Variants in LRRC28 observed in about 807,000 individuals in gnomAD.
LRRC28 encodes the protein leucine rich repeat containing 28.
Under a neutral mutation model 45.7 loss-of-function variants are expected in LRRC28, and 39 were observed. The observed-to-expected ratio is 0.85, with a 90% CI of 0.66 to 1.12. The LOEUF (loss-of-function observed/expected upper bound fraction) is 1.12. LRRC28 is among the 50% of genes most tolerant of loss of function. The probability of loss-of-function intolerance (pLI) is 0.00; values close to 1 mark genes in which losing one functional copy is unlikely to be tolerated. For missense variants in LRRC28, 435 were observed against 438.5 expected, an observed-to-expected ratio of 0.99 and a Z score of 0.07; for synonymous variants, 206 against 178.8, an observed-to-expected ratio of 1.15 and a Z score of -1.22.
At chr15:99,372,943 G>A (rs1162564295) in intron 9 of LRRC28, among the ~76,000 whole-genome samples, 1 of 152,048 alleles carries the variant, frequency 6.6e-6, no homozygotes, top group Non-Finnish European at 1.5e-5. Context: ...TGAGCAAAGA[G>A]GGAAACGACC....
intron 5 of LRRC28, chr15:99,333,613 C>T (rs1047880172): frequency 2.8e-6 from 1 of 350,986 alleles, no homozygotes; most frequent in Non-Finnish European, 5.2e-6. Context: ...TGGCAACAAA[C>T]TTGACTCATC....
At chr15:99,349,749 C>T (rs1039664409) in intron 6 of LRRC28, among the ~76,000 whole-genome samples, 11 of 152,058 alleles carry the variant, frequency 7.2e-5, no homozygotes, top group Admixed American at 5.9e-4. Context: ...TACCAAAAAC[C>T]GGATCAAAAA....
chr15:99,305,055 T>C (rs1955132959), intron 5 of LRRC28, among the ~76,000 whole-genome samples: 1 of 152,016 alleles, frequency 6.6e-6, no homozygotes, highest in Admixed American at 6.6e-5. Flanking sequence ...ATCTTAGCGG[T>C]AGGAGTTGAG....
At chr15:99,298,976 T>C (rs6598235) in intron 5 of LRRC28, among the ~76,000 whole-genome samples, 17,407 of 152,222 alleles carry the variant, frequency 0.11, 1,121 homozygotes, top group African/African-American at 0.18. Context: ...CCCAAAGTGC[T>C]GGGATTACAG....
At chr15:99,253,471 T>C (rs2080925634) in intron 1 of LRRC28, among the ~76,000 whole-genome samples, 2 of 152,188 alleles carry the variant, frequency 1.3e-5, no homozygotes, top group Admixed American at 6.5e-5. Context: ...GACATTGCTT[T>C]CTAGGCTAAG....
chr15:99,264,007 G>T (rs369083967), intron 2 of LRRC28, among the ~76,000 whole-genome samples: 2 of 152,194 alleles, frequency 1.3e-5, no homozygotes, highest in African/African-American at 4.8e-5. Context: ...TCTGTTGGAA[G>T]TAAGAGCTCA....
chr15:99,319,671 A>T (rs1033037), intron 5 of LRRC28, among the ~76,000 whole-genome samples: 63,316 of 149,610 alleles, frequency 0.42, 14,148 homozygotes, highest in African/African-American at 0.6. Context: ...TTTTTTTTTT[A>T]AATTACTGTC....
At chr15:99,303,085 T>C (rs997481931) in intron 5 of LRRC28, among the ~76,000 whole-genome samples, 3 of 152,242 alleles carry the variant, frequency 2.0e-5, no homozygotes, top group African/African-American at 7.2e-5. Flanking sequence ...CCAAAGTGGC[T>C]GTACCATTTT....
intron 3 of LRRC28, among the ~76,000 whole-genome samples, chr15:99,282,191 T>TTTTTTTTTTTTTTTTTTTTTTG (rs1327794715): frequency 7.2e-6 from 1 of 138,384 alleles, no homozygotes; most frequent in Admixed American, 7.7e-5. Flanking sequence ...TTTTTTTTTT[T>TTTTTTTTTTTTTTTTTTTTTTG]GTAGCAGTAG....
intron 3 of LRRC28, among the ~76,000 whole-genome samples, chr15:99,283,648 T>A (rs889938140): frequency 2.8e-5 from 4 of 145,134 alleles, no homozygotes; most frequent in East Asian, 2.0e-4. Flanking sequence ...AATTCCATGG[T>A]ACATTTGTCA....
At chr15:99,354,696 G>A (rs567565734) in intron 7 of LRRC28, among the ~76,000 whole-genome samples, 1 of 152,322 alleles carries the variant, frequency 6.6e-6, no homozygotes, top group East Asian at 1.9e-4. Context: ...TCTAGCCAGG[G>A]AGTCAAGCAA....
chr15:99,381,838 G>A (rs187031421), intron 9 of LRRC28, among the ~76,000 whole-genome samples: 206 of 152,356 alleles, frequency 1.4e-3, no homozygotes, highest in African/African-American at 4.0e-3. Context: ...AGAGGCTGCA[G>A]AACAGCAAAT....
intron 9 of LRRC28, among the ~76,000 whole-genome samples, chr15:99,380,096 A>C (rs577832570): frequency 6.6e-6 from 1 of 152,188 alleles, no homozygotes; most frequent in Non-Finnish European, 1.5e-5. Context: ...TATCCTTGTT[A>C]ACTTTCTGTC....
intron 2 of LRRC28, among the ~76,000 whole-genome samples, chr15:99,274,394 TA>T (rs1197290479): frequency 6.6e-6 from 1 of 152,206 alleles, no homozygotes; most frequent in Non-Finnish European, 1.5e-5. Context: ...GTCCTTAGTA[TA>T]AAATATAAGC....
At chr15:99,297,972 T>G (rs2082308663) in intron 5 of LRRC28, among the ~76,000 whole-genome samples, 1 of 152,050 alleles carries the variant, frequency 6.6e-6, no homozygotes, top group South Asian at 2.1e-4. Flanking sequence ...AATACTCCTT[T>G]TTAGGAAAAG....
chr15:99,333,768 G>C, intron 5 of LRRC28, 155 bp from the exon 6 acceptor site: 1 of 749,906 alleles, frequency 1.3e-6, no homozygotes, highest in Non-Finnish European at 2.2e-6. Context: ...TGGATTATTT[G>C]CATTTTCACC....
At chr15:99,372,885 G>A (rs1433160287) in intron 9 of LRRC28, among the ~76,000 whole-genome samples, 2 of 152,112 alleles carry the variant, frequency 1.3e-5, no homozygotes, top group Non-Finnish European at 1.5e-5. Flanking sequence ...ATCATGGCTC[G>A]AGGGGAAGCA....
chr15:99,280,802 T>G lies in LRRC28; in HGVS notation c.209+4186T>G, dbSNP rs141203578. 5.9e-5 allele frequency among the ~76,000 whole-genome samples: 9 copies of G among 152,298 alleles called. No individual in the cohort carries two copies. In the East Asian group the frequency reaches 1.7e-3, roughly 29 times the overall value. ...TTGTTTTTTCAGATATTTATTTATA[T>G]ACCCTGTTCCTGGCCCCTGCTTGTG... is the stretch of plus-strand genomic sequence containing the variant. On this transcript the variant is annotated intron_variant, in intron 3 of 9. Transcript: ENST00000301981.
chr15:99,386,947 C>A lies in LRRC28; in HGVS notation c.*845C>A, dbSNP rs1157917297. The stretch of plus-strand genomic sequence containing the variant: ...CATACAATGAGAAAGGGGGAGAAAA[C>A]ACACATTGAAATAAGACCTCCGTGT... On this transcript the variant is annotated 3_prime_UTR_variant, in exon 10 of 10. Transcript: ENST00000301981. The A allele has an allele frequency of 6.6e-6, 1 of 151,742 alleles. No homozygotes were observed. The highest frequency in any genetic ancestry group is 1.5e-5 in the Non-Finnish European group (1 of 68,010). 9.4% of individuals were successfully genotyped at this position (151,742 alleles called of 1,614,324 possible).
Sources: allele counts gnomAD v4.1 joint callset (sites outside exome capture counted in the v4.1 genomes callset), GRCh38; gene constraint gnomAD v4.1.1; transcripts MANE v1.5; gene names NCBI Gene and HGNC (gene_info 2026-07-23, HGNC 2026-07-21).